Variants in RGS12 observed in about 807,000 individuals in gnomAD.
RGS12 encodes regulator of G protein signaling 12, also known as regulator of G-protein signaling 12.
A neutral mutation model predicts 120.1 loss-of-function variants in RGS12; 66 were observed. That is an observed-to-expected ratio of 0.55 (90% CI 0.45 to 0.67). The LOEUF (loss-of-function observed/expected upper bound fraction) is 0.67, where lower values mean the gene tolerates loss of function less well. RGS12 is among the 30% of genes least tolerant of loss of function. RGS12 has a pLI of 0.00. For missense variants in RGS12, 1,859 were observed against 1,957.7 expected (o/e 0.95, Z 0.95); for synonymous variants, 827 against 804.7 (o/e 1.03, Z -0.47).
At chr4:3,356,041 T>C (rs1431355849) in intron 3 of RGS12, among the ~76,000 whole-genome samples, 1 of 142,992 alleles carries the variant, frequency 7.0e-6, no homozygotes. Flanking sequence ...GCAGAGATTA[T>C]CTTTTTCAAT....
intron 2 of RGS12, among the ~76,000 whole-genome samples, chr4:3,339,229 TCTC>T (rs1437428498): frequency 6.6e-6 from 1 of 152,138 alleles, no homozygotes; most frequent in African/African-American, 2.4e-5. Context: ...ACACCTGTAA[TCTC>T]AGCACTTTGG....
chr4:3,394,972 C>T (rs1034894115), intron 4 of RGS12, among the ~76,000 whole-genome samples: 2 of 151,948 alleles, frequency 1.3e-5, no homozygotes, highest in African/African-American at 4.8e-5. Context: ...AGTTCAAGAC[C>T]AGCCTGGCCA....
At chr4:3,438,380 G>A (rs770743497) in intron 17 of RGS12, among the ~76,000 whole-genome samples, 7 of 151,818 alleles carry the variant, frequency 4.6e-5, no homozygotes, top group Non-Finnish European at 1.0e-4. Flanking sequence ...GGGGGGGTGG[G>A]GTCACTGGGC....
At position 3,390,429 on chromosome 4, in the gene RGS12, C is replaced by T. The variant is rs773816271; in HGVS notation, c.2020+3992C>T. Reference sequence around the variant, plus strand: ...GGTGTTCAGCAGACATCAGCCAGAGCGTCAGGGCGAGGCTTGGGCGGGGAC... The same window carrying T: ...GGTGTTCAGCAGACATCAGCCAGAGTGTCAGGGCGAGGCTTGGGCGGGGAC... On this transcript the variant is annotated intron_variant, in intron 4 of 17. Coordinates refer to ENST00000336727, the MANE Select transcript of RGS12 (RefSeq NM_001394154.1). This position sits in a 1 kb window ranked among gnomAD's most constrained non-coding sequence, Gnocchi z 4.6. Among the ~76,000 whole-genome samples the T allele has an allele frequency of 4.3e-4, 66 of 152,230 alleles. No individual in the cohort carries two copies. Among genetic ancestry groups the T allele is most frequent in the Middle Eastern group, 3.2e-3 (1 of 316 alleles).
Position 3,422,528 on chromosome 4 carries a change from C to G in RGS12, c.2991C>G (p.Ile997Met). ...CCGGACTCTGTGAGCGGCATGGCATCAACGGGGCGGCCGCGGACCTCTTCC... is the reference window on the plus strand; with the variant it reads ...CCGGACTCTGTGAGCGGCATGGCATGAACGGGGCGGCCGCGGACCTCTTCC... ...ILSGLCERHG[I>M]NGAAADLFLV... Residue 997 changes from isoleucine (I) to methionine (M), a missense_variant, in exon 11 of 18, where the codon ATC (isoleucine) becomes ATG (methionine). Physicochemically the swap from Ile to Met is conservative, Grantham distance 10. Coordinates refer to ENST00000336727, the MANE Select transcript of RGS12 (RefSeq NM_001394154.1). 1 of 1,612,834 alleles carries G rather than the reference C, an allele frequency of 6.2e-7. No homozygotes were observed. Among genetic ancestry groups the G allele is most frequent in the East Asian group, 2.2e-5 (1 of 44,878 alleles).
intron 3 of RGS12, among the ~76,000 whole-genome samples, chr4:3,354,720 C>T (rs576586988): frequency 2.1e-4 from 32 of 152,266 alleles, no homozygotes; most frequent in African/African-American, 7.5e-4. Context: ...TACTACATAT[C>T]TAAACTTGTG....
rs548734018 is a variant in RGS12, at chr4:3,390,181, C to T, written c.2020+3744C>T. Among the ~76,000 whole-genome samples the T allele has an allele frequency of 6.6e-6, 1 of 152,380 alleles. No homozygotes were observed. The highest frequency in any genetic ancestry group is 1.9e-4 in the East Asian group (1 of 5,188). On this transcript the variant is annotated intron_variant, in intron 4 of 17. Coordinates refer to ENST00000336727, the MANE Select transcript of RGS12 (RefSeq NM_001394154.1). The surrounding 1 kb of genome is among the most constrained non-coding windows in gnomAD (Gnocchi z 4.6). ...CTGGTCTCCAATGGTGCCTCAGGCACATGCGGTTTCCCTCTTCCCTTCCTG... is the reference window on the plus strand; with the variant it reads ...CTGGTCTCCAATGGTGCCTCAGGCATATGCGGTTTCCCTCTTCCCTTCCTG...
chr4:3,366,664 C>T lies in RGS12; in HGVS notation c.1999-19752C>T, dbSNP rs189199347. On this transcript the variant is annotated intron_variant, in intron 3 of 17. Transcript: ENST00000336727. This position sits in a 1 kb window ranked among gnomAD's most constrained non-coding sequence, Gnocchi z 4.0. ...GAGAGTGCTTCTGTTCCCTCCAGGT[C>T]GAGCTGTGCGCCAGGCATGGCCGGA... is the stretch of plus-strand genomic sequence containing the variant. 3.0e-4 allele frequency among the ~76,000 whole-genome samples: 45 copies of T among 152,282 alleles called. No homozygotes were observed. The highest frequency in any genetic ancestry group is 9.1e-4 in the African/African-American group (38 of 41,564).
intron 3 of RGS12, among the ~76,000 whole-genome samples, chr4:3,355,196 T>G (rs973247802): frequency 5.9e-5 from 9 of 152,180 alleles, no homozygotes; most frequent in African/African-American, 2.2e-4. Flanking sequence ...AAGTATTATC[T>G]CAACAGAAGC....
rs1717070013 is a variant in RGS12 at position 3,372,091 on chromosome 4, T to C, written c.1999-14325T>C. ...GCACCTCATCCTGTTTCATAAACCA[T>C]GTGGCGTCAGGTGTTGCAGGCTCTG... On this transcript the variant is annotated intron_variant, in intron 3 of 17. Coordinates refer to ENST00000336727, the MANE Select transcript of RGS12 (RefSeq NM_001394154.1). The surrounding 1 kb of genome is among the most constrained non-coding windows in gnomAD (Gnocchi z 4.3). Among the ~76,000 whole-genome samples, 3 of 152,144 alleles carry C rather than the reference T, an allele frequency of 2.0e-5. No individual in the cohort carries two copies. The highest frequency in any genetic ancestry group is 1.3e-4 in the Admixed American group (2 of 15,284).
In RGS12 at chr4:3,316,829, C is replaced by T; in HGVS notation, c.659C>T (p.Ala220Val). The part of the protein sequence containing the change: ...SIGLESHDDF[A>V]LDASILNVAM... ...GGACTAGAAAGTCATGACGATTTTG[C>T]ATTGGATGCAAGTATTTTAAACGTG... The change falls in exon 2 of 18, where the codon GCA (alanine) becomes GTA (valine). Residue 220 changes from alanine to valine, a missense_variant. By Grantham distance (64) the Ala-to-Val change is moderately conservative. This residue lies in a region of RGS12 where 967 missense variants were observed against 994.2 expected (regional missense o/e 0.97). Transcript: ENST00000336727. 1 of 1,614,152 alleles carries T rather than the reference C, an allele frequency of 6.2e-7. No individual in the cohort carries two copies. The highest frequency in any genetic ancestry group is 8.5e-7 in the Non-Finnish European group (1 of 1,179,974).
rs111343084 is a variant in RGS12, at chr4:3,367,066, C to G, written c.1999-19350C>G. On this transcript the variant is annotated intron_variant, in intron 3 of 17. Transcript: ENST00000336727. ...GAACTCCTCCAATCTAGCCCTGCCC[C>G]CCTGCTCACCCTGGGTTTCCAGCTC... Among the ~76,000 whole-genome samples the G allele has an allele frequency of 1.9e-4, 29 of 152,364 alleles. No homozygotes were observed. In the South Asian group the frequency reaches 3.1e-3, roughly 16 times the overall value.
intron 3 of RGS12, chr4:3,378,541 A>T (rs528493210): frequency 1.3e-5 from 2 of 152,362 alleles, no homozygotes; most frequent in South Asian, 4.1e-4. Flanking sequence ...ATCCAAATAC[A>T]TAAGGAACTC....
At chr4:3,309,325 G>A (rs1471357334) in intron 1 of RGS12, among the ~76,000 whole-genome samples, 2 of 133,264 alleles carry the variant, frequency 1.5e-5, no homozygotes, top group East Asian at 4.5e-4. Flanking sequence ...AGAACCGGGT[G>A]GGAGAGGAGC....
chr4:3,411,805 C>A (rs1721762267), intron 4 of RGS12, among the ~76,000 whole-genome samples: 1 of 152,274 alleles, frequency 6.6e-6, no homozygotes, highest in Admixed American at 6.5e-5. Context: ...TTTGAGGGAG[C>A]CTCACATGGC....
intron 11 of RGS12, 63 bp downstream of exon 11, chr4:3,422,633 C>A: frequency 2.6e-6 from 4 of 1,524,714 alleles, no homozygotes; most frequent in Non-Finnish European, 3.5e-6. Context: ...CCCTGGCCCC[C>A]AGCTTTGTCA....
At chr4:3,385,854 TG>T (rs1188390797) in intron 3 of RGS12, 1 of 156,940 alleles carries the variant, frequency 6.4e-6, no homozygotes, top group Non-Finnish European at 1.4e-5. Context: ...GCTCTGGGCT[TG>T]ACTCCTCTGC....
intron 1 of RGS12, among the ~76,000 whole-genome samples, chr4:3,297,124 T>C (rs1243037024): frequency 6.6e-6 from 1 of 152,246 alleles, no homozygotes; most frequent in East Asian, 1.9e-4. Flanking sequence ...GTTTGTTCTT[T>C]CTGTTTTTCT....
At position 3,420,732 on chromosome 4, in the gene RGS12, TC is replaced by T. The variant is rs753904389; in HGVS notation, c.2838+18del. 11 of 1,608,232 alleles carry T rather than the reference TC, an allele frequency of 6.8e-6. No homozygotes were observed. The Admixed American group carries it at 8.3e-5, about 12-fold the overall frequency. On this transcript the variant is annotated intron_variant, in intron 10 of 17. Transcript: ENST00000336727. ...AGCCTGGACCTGGTGAGTCACTGTC[TC>T]CCCTCGTCCCACAGGCCTCAGGGGT...
Sources: allele counts gnomAD v4.1 joint callset (sites outside exome capture counted in the v4.1 genomes callset), GRCh38; gene constraint gnomAD v4.1.1; regional missense constraint gnomAD v4.1.1; non-coding constraint Gnocchi (gnomAD v3.1); transcripts MANE v1.5; gene names NCBI Gene and HGNC (gene_info 2026-07-23, HGNC 2026-07-21).